The following EXOC2 variants were observed in gnomAD, a reference collection of about 807,000 sequenced individuals.
EXOC2 encodes SEC5-like 1.
Under a neutral mutation model 131.8 loss-of-function variants are expected in EXOC2, and 70 were observed. The observed-to-expected ratio is 0.53, with a 90% confidence interval of 0.44 to 0.65. The LOEUF is 0.65. EXOC2 is among the 30% of genes least tolerant of loss of function. EXOC2 has a pLI of 0.00. For missense variants in EXOC2, 923 were observed against 1,108.6 expected, an observed-to-expected ratio of 0.83 and a Z score of 2.38; for synonymous variants, 411 against 398.4, an observed-to-expected ratio of 1.03 and a Z score of -0.38.
At chr6:581,277 C>G (rs1230121800) in intron 11 of EXOC2, among the ~76,000 whole-genome samples, 1 of 137,564 alleles carries the variant, frequency 7.3e-6, no homozygotes, top group Non-Finnish European at 1.5e-5. Flanking sequence ...GTCTGGGAGA[C>G]AGAGCGAGAC....
At chr6:611,335 G>A (rs560130451) in intron 6 of EXOC2, among the ~76,000 whole-genome samples, 2 of 152,160 alleles carry the variant, frequency 1.3e-5, no homozygotes, top group Admixed American at 6.5e-5. Context: ...CAGCTGCACC[G>A]AGTGGGCACC....
intron 11 of EXOC2, among the ~76,000 whole-genome samples, chr6:579,294 AGATT>A (rs995501741): frequency 4.6e-5 from 7 of 152,196 alleles, no homozygotes; most frequent in African/African-American, 1.7e-4. Flanking sequence ...AATGGTTAAA[AGATT>A]GATTTTTTTT....
At chr6:492,956 C>T (rs78459734) in intron 25 of EXOC2, among the ~76,000 whole-genome samples, 21 of 152,294 alleles carry the variant, frequency 1.4e-4, no homozygotes, top group African/African-American at 2.6e-4. Flanking sequence ...TTCACTTCTA[C>T]GCAAGCATGA....
chr6:662,949 C>A (rs1425512839), intron 1 of EXOC2, among the ~76,000 whole-genome samples: 1 of 152,104 alleles, frequency 6.6e-6, no homozygotes, highest in African/African-American at 2.4e-5. Context: ...CGAGATCACA[C>A]CACTGCACTC....
intron 1 of EXOC2, among the ~76,000 whole-genome samples, chr6:665,264 A>C (rs1177111491): frequency 6.6e-6 from 1 of 152,244 alleles, no homozygotes; most frequent in African/African-American, 2.4e-5. Context: ...AATGGCCATA[A>C]TCGAAAAATC....
Position 486,609 on chromosome 6 carries a change from C to T in EXOC2, c.*62G>A. On this transcript the variant is annotated 3_prime_UTR_variant, in exon 28 of 28. Transcript: ENST00000230449. ...TAATACACCAAATACCTTTAGGGTA[C>T]TTAGAGAGTGAACAGTCTTATTACG... The T allele has an allele frequency of 1.4e-6, 2 of 1,413,114 alleles. No individual in the cohort carries two copies. The highest frequency in any genetic ancestry group is 2.3e-5 in the East Asian group (1 of 43,740). The allele number at this position is 1,413,114 out of a possible 1,614,324, so 87.5% of individuals were successfully genotyped here.
At chr6:585,267 C>T (rs376261270) in intron 11 of EXOC2, among the ~76,000 whole-genome samples, 2 of 152,092 alleles carry the variant, frequency 1.3e-5, no homozygotes, top group African/African-American at 2.4e-5. Flanking sequence ...CTTTTTCCAC[C>T]CTTAGAAAAA....
At chr6:641,391 A>AC (rs1430439938) in intron 1 of EXOC2, among the ~76,000 whole-genome samples, 2 of 152,104 alleles carry the variant, frequency 1.3e-5, no homozygotes, top group Non-Finnish European at 2.9e-5. Context: ...ATCCTCTCAA[A>AC]CCACGCCCTA....
At chr6:657,764 C>CAA (rs11319548) in intron 1 of EXOC2, among the ~76,000 whole-genome samples, 4 of 135,386 alleles carry the variant, frequency 3.0e-5, no homozygotes, top group African/African-American at 8.1e-5. Flanking sequence ...CTCTGGCAGG[C>CAA]AAAAAAAAAA....
At position 637,740 on chromosome 6, in the gene EXOC2, T is replaced by G. The variant is rs201622562; in HGVS notation, c.79A>C (p.Arg27=). ...GGGCCAGTCCCCAGATTTTCTCCCC[T>G]GATTGTGACCTTCGTCCATGGTATC... The part of the protein sequence containing the change: ...EGIPWTKVTI[R]GENLGTGPTD... Residue 27 remains arginine (R), a synonymous_variant, in exon 2 of 28, where the codon AGG becomes CGG. Coordinates refer to ENST00000230449, the MANE Select transcript of EXOC2 (RefSeq NM_018303.6). The G allele has an allele frequency of 4.2e-5, 67 of 1,613,750 alleles. No homozygotes were observed. The highest frequency in any genetic ancestry group is 5.4e-5 in the Non-Finnish European group (64 of 1,179,816).
At chr6:675,855 T>C (rs5020048) in intron 1 of EXOC2, among the ~76,000 whole-genome samples, 27 of 32,450 alleles carry the variant, frequency 8.3e-4, no homozygotes, top group South Asian at 2.7e-3. Context: ...AGGACAGCTT[T>C]CTCTGGAGAC....
chr6:532,569 A>C lies in EXOC2; in HGVS notation c.2280T>G (p.Phe760Leu), dbSNP rs1418828838. The part of the protein sequence containing the change: ...ASLKELDQRL[F>L]ENYIELKADP... ...CTGCTTTCAACTCGATGTAATTTTC[A>C]AAGAGTCTTTGATCTAGTTCTTTCA... The change falls in exon 23 of 28, where the codon TTT (phenylalanine) becomes TTG (leucine). Residue 760 changes from phenylalanine (F) to leucine (L), a missense_variant. Physicochemically the swap from Phe to Leu is conservative, Grantham distance 22 (BLOSUM62 0). Coordinates refer to ENST00000230449, the MANE Select transcript of EXOC2 (RefSeq NM_018303.6). 1 of 1,609,056 alleles carries C rather than the reference A, an allele frequency of 6.2e-7. No individual in the cohort carries two copies. The highest frequency in any genetic ancestry group is 8.5e-7 in the Non-Finnish European group (1 of 1,178,496).
intron 1 of EXOC2, among the ~76,000 whole-genome samples, chr6:682,443 G>A (rs1463813540): frequency 1.3e-5 from 2 of 152,082 alleles, no homozygotes; most frequent in Non-Finnish European, 2.9e-5. Context: ...CTCGTGATCT[G>A]CCCGCCTTGG....
intron 23 of EXOC2, among the ~76,000 whole-genome samples, chr6:514,921 GCCAATGA>G (rs1765059417): frequency 6.6e-6 from 1 of 152,230 alleles, no homozygotes; most frequent in Non-Finnish European, 1.5e-5. Context: ...AGTTCCAGAA[GCCAATGA>G]CCAGATCGGC....
chr6:624,002 A>G (rs1410170839), intron 4 of EXOC2, among the ~76,000 whole-genome samples: 2 of 152,240 alleles, frequency 1.3e-5, no homozygotes. Context: ...CCATCAATGA[A>G]TATTGTATAT....
intron 27 of EXOC2, 121 bp downstream of exon 27, chr6:488,858 G>A: frequency 2.8e-6 from 3 of 1,062,566 alleles, no homozygotes; most frequent in South Asian, 3.3e-5. Context: ...TGCTTATTCT[G>A]ATTCTTATTT....
At chr6:502,300 T>C (rs1764262611) in intron 23 of EXOC2, among the ~76,000 whole-genome samples, 1 of 152,158 alleles carries the variant, frequency 6.6e-6, no homozygotes, top group Non-Finnish European at 1.5e-5. Flanking sequence ...GATTTGGGGC[T>C]CTAACGATGT....
chr6:491,097 C>T, intron 26 of EXOC2, 28 bp downstream of exon 26: 1 of 1,610,038 alleles, frequency 6.2e-7, no homozygotes, highest in Non-Finnish European at 8.5e-7. Flanking sequence ...TTTAATAGAG[C>T]ACTCAACTAA....
chr6:533,467 C>T (rs1471200782), intron 22 of EXOC2, among the ~76,000 whole-genome samples: 3 of 152,100 alleles, frequency 2.0e-5, no homozygotes, highest in African/African-American at 7.2e-5. Context: ...GAGGGGCGTG[C>T]AGGTCAGGCC....
Sources: allele counts gnomAD v4.1 joint callset (sites outside exome capture counted in the v4.1 genomes callset), GRCh38; gene constraint gnomAD v4.1.1; transcripts MANE v1.5; gene names NCBI Gene and HGNC (gene_info 2026-07-23, HGNC 2026-07-21).